PARD3B: variants seen among roughly 807,000 people sequenced by gnomAD.
PARD3B encodes par-3 family cell polarity regulator beta.
PARD3B carries 103 observed loss-of-function variants against 130.2 expected under a neutral mutation model. The ratio of observed to expected loss-of-function variants is 0.79; its 90% CI spans 0.67 to 0.93. The LOEUF (loss-of-function observed/expected upper bound fraction) is 0.93, where lower values mean the gene tolerates loss of function less well. PARD3B is among the 40% of genes least tolerant of loss of function. PARD3B has a pLI of 0.00. For synonymous variants in PARD3B, 583 were observed against 553.2 expected (o/e 1.05, Z -0.76); for missense variants, 1,609 against 1,499.2 (o/e 1.07, Z -1.21).
intron 4 of PARD3B, among the ~76,000 whole-genome samples, chr2:205,089,358 A>G (rs1391170835): frequency 6.6e-6 from 1 of 151,924 alleles, no homozygotes; most frequent in Admixed American, 6.6e-5. Context: ...TTTAGTACAG[A>G]CAGGGTTTCA....
At position 205,193,323 on chromosome 2, in the gene PARD3B, A is replaced by G. The variant is rs766740718; in HGVS notation, c.2140+3A>G. 5 of 1,588,976 alleles carry G rather than the reference A, an allele frequency of 3.1e-6. No individual in the cohort carries two copies. In the Admixed American group the frequency reaches 6.7e-5, roughly 21 times the overall value. ...AGCCTCGAAGAGCATGGACCTTGGT[A>G]AGCAAGGGTGAGGTGACATCCAGGT... On this transcript the variant is annotated splice_donor_region_variant and intron_variant, in intron 15 of 22. Coordinates refer to ENST00000406610, the MANE Select transcript of PARD3B (RefSeq NM_001302769.2).
At chr2:205,514,984 T>TC (rs2050736587) in intron 21 of PARD3B, among the ~76,000 whole-genome samples, 3 of 151,980 alleles carry the variant, frequency 2.0e-5, no homozygotes, top group African/African-American at 7.2e-5. Context: ...CTCCTCTCCC[T>TC]CCCCCGACCT....
At chr2:204,880,509 A>C (rs1395144244) in intron 2 of PARD3B, among the ~76,000 whole-genome samples, 1 of 151,842 alleles carries the variant, frequency 6.6e-6, no homozygotes. Context: ...AAATACAAAG[A>C]ATTAGCCAGG....
At chr2:204,934,976 C>G (rs1688302092) in intron 2 of PARD3B, among the ~76,000 whole-genome samples, 1 of 152,092 alleles carries the variant, frequency 6.6e-6, no homozygotes, top group African/African-American at 2.4e-5. Context: ...AATTTGGTGA[C>G]TGATAGATCT....
At chr2:204,885,151 A>G (rs2046226881) in intron 2 of PARD3B, among the ~76,000 whole-genome samples, 1 of 152,108 alleles carries the variant, frequency 6.6e-6, no homozygotes, top group African/African-American at 2.4e-5. Flanking sequence ...TTGTTTCTTG[A>G]CTTTTTAATA....
At chr2:205,518,371 A>G (rs914362969) in intron 21 of PARD3B, among the ~76,000 whole-genome samples, 1 of 152,004 alleles carries the variant, frequency 6.6e-6, no homozygotes, top group Non-Finnish European at 1.5e-5. Context: ...GTTGGTTTGA[A>G]GTCTGTTTTG....
At chr2:204,555,486 A>G (rs1359528975) in intron 1 of PARD3B, among the ~76,000 whole-genome samples, 1 of 152,110 alleles carries the variant, frequency 6.6e-6, no homozygotes, top group Non-Finnish European at 1.5e-5. Context: ...TGAACCTGGG[A>G]GGTGGAGATT....
chr2:204,634,648 AT>A (rs1037928864), intron 1 of PARD3B, among the ~76,000 whole-genome samples: 33 of 151,886 alleles, frequency 2.2e-4, no homozygotes, highest in African/African-American at 7.7e-4. Flanking sequence ...TGGTGTTAAC[AT>A]TTTTTTTCTG....
chr2:205,559,227 C>T (rs1042124162), intron 22 of PARD3B, among the ~76,000 whole-genome samples: 4 of 152,208 alleles, frequency 2.6e-5, no homozygotes, highest in Non-Finnish European at 5.9e-5. Context: ...CTCACTGCAA[C>T]GTCTGCCTCC....
intron 15 of PARD3B, among the ~76,000 whole-genome samples, chr2:205,234,723 C>A (rs1220529998): frequency 6.6e-6 from 1 of 152,056 alleles, no homozygotes; most frequent in Non-Finnish European, 1.5e-5. Context: ...CTCTGCACAA[C>A]AACTGAATAC....
intron 2 of PARD3B, among the ~76,000 whole-genome samples, chr2:204,963,936 A>G (rs1690972052): frequency 6.6e-6 from 1 of 152,194 alleles, no homozygotes; most frequent in African/African-American, 2.4e-5. Context: ...TTGAATGGCG[A>G]ATTTGCATAT....
intron 2 of PARD3B, among the ~76,000 whole-genome samples, chr2:204,918,568 T>C (rs2125743549): frequency 6.8e-6 from 1 of 146,706 alleles, no homozygotes; most frequent in East Asian, 2.0e-4. Context: ...AGGCGGAGCT[T>C]GCAGTGAGCC....
intron 20 of PARD3B, among the ~76,000 whole-genome samples, chr2:205,490,711 A>G (rs563244662): frequency 3.6e-4 from 55 of 152,330 alleles, no homozygotes; most frequent in African/African-American, 1.0e-3. Flanking sequence ...TGCTTGAACT[A>G]GTTTACAGTC....
chr2:205,569,526 A>G (rs556602386), intron 22 of PARD3B, among the ~76,000 whole-genome samples: 1 of 152,298 alleles, frequency 6.6e-6, no homozygotes. Flanking sequence ...GTGATTTTGT[A>G]ATATAGTTTC....
At chr2:204,945,278 G>T (rs756537449) in intron 2 of PARD3B, among the ~76,000 whole-genome samples, 13 of 152,272 alleles carry the variant, frequency 8.5e-5, no homozygotes, top group Non-Finnish European at 1.5e-4. Context: ...GAGGGTGATG[G>T]ACTAGAAAAT....
Position 205,456,603 on chromosome 2 carries a change from A to G in PARD3B, c.3044+15931A>G, listed in dbSNP as rs2048284235. The stretch of plus-strand genomic sequence containing the variant: ...CTGAGAGGTTTTATCATAAATGAGC[A>G]TGAATTTTGTCAAATGCTTTTTCCA... On this transcript the variant is annotated intron_variant, in intron 20 of 22. Transcript: ENST00000406610. Among the ~76,000 whole-genome samples the G allele has an allele frequency of 2.6e-5, 4 of 151,838 alleles. 1 individual carries two copies. The South Asian group carries it at 8.3e-4, about 31-fold the overall frequency.
chr2:204,547,910 A>T (rs1559148942), intron 1 of PARD3B, among the ~76,000 whole-genome samples: 1 of 152,176 alleles, frequency 6.6e-6, no homozygotes, highest in Non-Finnish European at 1.5e-5. Flanking sequence ...AGAACAATGT[A>T]GTTGCATTGA....
intron 3 of PARD3B, among the ~76,000 whole-genome samples, chr2:205,030,862 G>A (rs529679412): frequency 6.6e-5 from 10 of 152,200 alleles, no homozygotes; most frequent in African/African-American, 2.2e-4. Flanking sequence ...CCAGAGGGGG[G>A]TCTGTTTACC....
At chr2:204,574,615 A>G (rs2032162544) in intron 1 of PARD3B, among the ~76,000 whole-genome samples, 1 of 152,224 alleles carries the variant, frequency 6.6e-6, no homozygotes, top group Non-Finnish European at 1.5e-5. Flanking sequence ...TACTAGTTGT[A>G]TGATCTTAGG....
Sources: allele counts gnomAD v4.1 joint callset (sites outside exome capture counted in the v4.1 genomes callset), GRCh38; gene constraint gnomAD v4.1.1; transcripts MANE v1.5; gene names NCBI Gene and HGNC (gene_info 2026-07-23, HGNC 2026-07-21).